GOLGA4: variants seen among roughly 807,000 people sequenced by gnomAD.
The protein encoded by GOLGA4 is golgin subfamily A member 4.
GOLGA4 carries 169 observed loss-of-function variants against 265.9 expected under a neutral mutation model. The ratio of observed to expected loss-of-function variants is 0.64; its 90% CI spans 0.56 to 0.72. The LOEUF (loss-of-function observed/expected upper bound fraction) is 0.72. Ranked by LOEUF, GOLGA4 falls within the 30% of genes least tolerant of loss-of-function variation. GOLGA4 has a pLI of 0.00. For missense variants in GOLGA4, 2,482 were observed against 2,483.4 expected (o/e 1.00, Z 0.01); for synonymous variants, 923 against 855.8 (o/e 1.08, Z -1.37).
chr3:37,346,156 T>C lies in GOLGA4; in HGVS notation c.6473-1037T>C, dbSNP rs186963972. Among the ~76,000 whole-genome samples, 377 of 152,260 alleles carry C rather than the reference T, an allele frequency of 2.5e-3. 8 individuals are homozygous for C. The East Asian group carries it at 0.026, about 10-fold the overall frequency. Reference sequence around the variant, plus strand: ...AGTATAATTTGAGTGAGTTGAGTCTTCTAAAAGTATGCACTTAAAAAAATA... The same window carrying C: ...AGTATAATTTGAGTGAGTTGAGTCTCCTAAAAGTATGCACTTAAAAAAATA... On this transcript the variant is annotated intron_variant, in intron 20 of 23. Coordinates refer to ENST00000361924, the MANE Select transcript of GOLGA4 (RefSeq NM_002078.5).
intron 20 of GOLGA4, among the ~76,000 whole-genome samples, chr3:37,346,621 G>A (rs894465670): frequency 2.0e-5 from 3 of 152,022 alleles, no homozygotes; most frequent in African/African-American, 7.3e-5. Flanking sequence ...AGTAAACATC[G>A]ACTCCTACTG....
At chr3:37,357,018 A>G (rs923243346) in intron 22 of GOLGA4, among the ~76,000 whole-genome samples, 2 of 152,138 alleles carry the variant, frequency 1.3e-5, no homozygotes, top group Non-Finnish European at 2.9e-5. Context: ...ATGAAAAACA[A>G]ATCGAATTGG....
chr3:37,342,006 G>T (rs2097036773), intron 20 of GOLGA4, among the ~76,000 whole-genome samples: 1 of 152,196 alleles, frequency 6.6e-6, no homozygotes, highest in East Asian at 1.9e-4. Context: ...AAGCATTGTG[G>T]TGCAGTATGT....
In GOLGA4 at chr3:37,243,442, C is replaced by G; in HGVS notation, c.-109C>G. On this transcript the variant is annotated 5_prime_UTR_variant, in exon 1 of 24. Transcript: ENST00000361924. The stretch of plus-strand genomic sequence containing the variant: ...CAAGGAGGAGACGGCGAGGCCCGGC[C>G]CCCGCTGTCCCTGGTGTAAAGAAGT... 1 of 914,148 alleles carries G rather than the reference C, an allele frequency of 1.1e-6. No homozygotes were observed. 56.6% of individuals were successfully genotyped at this position (914,148 alleles called of 1,614,324 possible).
At position 37,361,272 on chromosome 3, in the gene GOLGA4, A is replaced by T; in HGVS notation, c.6693A>T (p.Ter2231CysextTer9). 1 of 1,613,204 alleles carries T rather than the reference A, an allele frequency of 6.2e-7. No individual in the cohort carries two copies. The highest frequency in any genetic ancestry group is 8.5e-7 in the Non-Finnish European group (1 of 1,179,290). The change falls in exon 23 of 24, where the codon TGA (stop) becomes TGT (cysteine). Residue 2231 changes from the stop codon to cysteine, a stop_lost. Transcript: ENST00000361924. ...MFTSPRSGIF[*>C] is the part of the protein sequence containing the mutation. ...CTTCACCTCGCAGTGGTATCTTCTG[A>T]GTAAACCATCAGTCTGTGCTTAGTT...
In GOLGA4 at chr3:37,286,008, T is replaced by G. The variant is rs1476406445; in HGVS notation, c.478-6T>G. ...ATGACTAATGTTGTTGATGACTATATTTTAGCTTGTTACAGCTTATCAGAT... is the reference window on the plus strand; with the variant it reads ...ATGACTAATGTTGTTGATGACTATAGTTTAGCTTGTTACAGCTTATCAGAT... On this transcript the variant is annotated splice_region_variant and splice_polypyrimidine_tract_variant and intron_variant, in intron 3 of 23. Transcript: ENST00000361924. 5.9e-6 allele frequency: 9 copies of G among 1,535,144 alleles called. No homozygotes were observed. The highest frequency in any genetic ancestry group is 1.2e-5 in the South Asian group (1 of 85,870).
chr3:37,268,242 C>G (rs1346545972), intron 2 of GOLGA4, among the ~76,000 whole-genome samples: 1 of 151,822 alleles, frequency 6.6e-6, no homozygotes. Context: ...CCACCATGCC[C>G]AGCTCATCTT....
intron 2 of GOLGA4, among the ~76,000 whole-genome samples, chr3:37,263,276 T>TTTACACAAACCTAG (rs2096774843): frequency 6.6e-6 from 1 of 152,218 alleles, no homozygotes. Context: ...TCTAGGTTTG[T>TTTACACAAACCTAG]GTAAGTATGC....
rs1287627927 is a variant in GOLGA4 at position 37,298,843 on chromosome 3, A to T, written c.825A>T (p.Gly275=). ...ESDGEPVVED[G]TSVKTLETLQ... ...TTGCTTTATTGTTAGTGGAAGATGG[A>T]ACTTCTGTAAAAACACTGGAAACAC... The change falls in exon 8 of 24, where the codon GGA becomes GGT. Residue 275 remains glycine, a synonymous_variant. Transcript: ENST00000361924. 6.2e-7 allele frequency: 1 copy of T among 1,603,638 alleles called. No homozygotes were observed. The highest frequency in any genetic ancestry group is 8.5e-7 in the Non-Finnish European group (1 of 1,176,884).
At chr3:37,277,132 AATT>A (rs1248960708) in intron 2 of GOLGA4, among the ~76,000 whole-genome samples, 2 of 152,132 alleles carry the variant, frequency 1.3e-5, no homozygotes, top group Non-Finnish European at 2.9e-5. Flanking sequence ...ATTTGATTTT[AATT>A]ATTATGTTCA....
chr3:37,272,985 A>G (rs979196755), intron 2 of GOLGA4, among the ~76,000 whole-genome samples: 1 of 152,180 alleles, frequency 6.6e-6, no homozygotes, highest in Admixed American at 6.5e-5. Context: ...GAACAGAACA[A>G]AACAAAAATC....
rs1415383449 is a variant in GOLGA4 at position 37,330,347 on chromosome 3, G to A, written c.6192+1254G>A. Among the ~76,000 whole-genome samples the A allele has an allele frequency of 3.3e-5, 5 of 152,166 alleles. No individual in the cohort carries two copies. The East Asian group carries it at 9.6e-4, about 29-fold the overall frequency. On this transcript the variant is annotated intron_variant, in intron 16 of 23. Transcript: ENST00000361924. ...GACTTCTTCCTAAGAAAGGAACTTA[G>A]AGAAGGCAGTTATTTATCATGGATA... is the stretch of plus-strand genomic sequence containing the variant.
At chr3:37,307,876 A>G (rs2096911293) in intron 10 of GOLGA4, among the ~76,000 whole-genome samples, 1 of 152,204 alleles carries the variant, frequency 6.6e-6, no homozygotes, top group African/African-American at 2.4e-5. Flanking sequence ...TTAGCTTAAT[A>G]TTTTTCAACA....
At chr3:37,286,428 C>T in intron 4 of GOLGA4, among the ~76,000 whole-genome samples, 1 of 152,128 alleles carries the variant, frequency 6.6e-6, no homozygotes, top group Non-Finnish European at 1.5e-5. Context: ...GCTGGGATTA[C>T]AGGCGTGAGC....
At position 37,243,486 on chromosome 3, in the gene GOLGA4, CG is replaced by C; in HGVS notation, c.-62del. 7.0e-7 allele frequency: 1 copy of C among 1,434,104 alleles called. No individual in the cohort carries two copies. Among genetic ancestry groups the C allele is most frequent in the Non-Finnish European group, 9.8e-7 (1 of 1,016,614 alleles). The allele number at this position is 1,434,104 out of a possible 1,614,324, so 88.8% of individuals were successfully genotyped here. ...AAGAAGTCGCCGTAGCCGTCGCGGC[CG>C]GGACTCCCCGGGCTCTCGCCCTTCA... On this transcript the variant is annotated 5_prime_UTR_variant, in exon 1 of 24. Coordinates refer to ENST00000361924, the MANE Select transcript of GOLGA4 (RefSeq NM_002078.5).
At chr3:37,298,120 C>T (rs1419690358) in intron 7 of GOLGA4, among the ~76,000 whole-genome samples, 1 of 152,088 alleles carries the variant, frequency 6.6e-6, no homozygotes, top group East Asian at 1.9e-4. Flanking sequence ...GTTCACCTTG[C>T]CCACTGCCTA....
intron 2 of GOLGA4, among the ~76,000 whole-genome samples, chr3:37,263,700 C>A (rs150462489): frequency 2.6e-5 from 4 of 152,142 alleles, no homozygotes; most frequent in African/African-American, 9.6e-5. Context: ...GATATACACA[C>A]GCATATATAT....
intron 19 of GOLGA4, among the ~76,000 whole-genome samples, chr3:37,338,236 A>G (rs1224805995): frequency 6.6e-6 from 1 of 152,180 alleles, no homozygotes; most frequent in African/African-American, 2.4e-5. Context: ...CTCTGGGAGA[A>G]ATAGTGGCTC....
At chr3:37,320,791 C>G (rs927051567) in intron 12 of GOLGA4, among the ~76,000 whole-genome samples, 5 of 152,168 alleles carry the variant, frequency 3.3e-5, no homozygotes, top group African/African-American at 1.2e-4. Context: ...GCGTGGGTAC[C>G]TGTGCCTGCC....
Sources: gnomAD v4.1 joint callset for allele counts (sites outside exome capture counted in the v4.1 genomes callset) on GRCh38, gnomAD v4.1.1 for gene constraint, MANE v1.5 for transcripts, NCBI Gene and HGNC (gene_info 2026-07-23, HGNC 2026-07-21) for gene names.